Variants in RABEPK observed in about 807,000 individuals in gnomAD.
RABEPK encodes Rab9 effector protein with kelch motifs.
RABEPK carries 27 observed loss-of-function variants against 34.1 expected under a neutral mutation model. That is an observed-to-expected ratio of 0.79 (90% confidence interval 0.58 to 1.09). The LOEUF is 1.09. RABEPK is among the 50% of genes least tolerant of loss of function. The pLI, the probability that RABEPK is intolerant of heterozygous loss-of-function variation, is 0.00. For synonymous variants in RABEPK, 172 were observed against 169.2 expected, an observed-to-expected ratio of 1.02 and a Z score of -0.13; for missense variants, 449 against 462.6, an observed-to-expected ratio of 0.97 and a Z score of 0.27.
intron 4 of RABEPK, among the ~76,000 whole-genome samples, chr9:125,214,792 C>CTTTTTTT (rs34203731): frequency 1.4e-5 from 2 of 138,916 alleles, no homozygotes; most frequent in Non-Finnish European, 3.1e-5. Context: ...AATTTTCTGT[C>CTTTTTTT]TTTTTTTTTT....
chr9:125,211,296 C>T (rs182646714), intron 3 of RABEPK, among the ~76,000 whole-genome samples: 28 of 151,398 alleles, frequency 1.8e-4, no homozygotes, highest in African/African-American at 5.8e-4. Flanking sequence ...ACTACAGGCA[C>T]GTGCCACCAT....
chr9:125,210,403 CAA>C (rs775128302), intron 3 of RABEPK, among the ~76,000 whole-genome samples: 25,119 of 66,814 alleles, frequency 0.38, 2,311 homozygotes, highest in East Asian at 0.53. Flanking sequence ...GTCTCCGTCT[CAA>C]AAAAAAAAAA....
chr9:125,209,479 A>G (rs956811989), intron 3 of RABEPK, among the ~76,000 whole-genome samples: 6 of 151,858 alleles, frequency 4.0e-5, no homozygotes, highest in African/African-American at 1.5e-4. Flanking sequence ...CCTCCTGAAT[A>G]GCTGGGATTA....
At chr9:125,206,728 A>T (rs955565980) in intron 2 of RABEPK, among the ~76,000 whole-genome samples, 25 of 152,144 alleles carry the variant, frequency 1.6e-4, no homozygotes, top group African/African-American at 5.8e-4. Context: ...GCCACCATTT[A>T]TTGAGTCCTT....
intron 5 of RABEPK, among the ~76,000 whole-genome samples, chr9:125,225,726 C>T (rs1469655182): frequency 4.0e-5 from 6 of 151,780 alleles, no homozygotes; most frequent in Non-Finnish European, 8.8e-5. Context: ...TTTGGGAGGC[C>T]GAGGCGGGCA....
At chr9:125,216,845 TG>T (rs1211441895) in intron 4 of RABEPK, among the ~76,000 whole-genome samples, 1 of 151,842 alleles carries the variant, frequency 6.6e-6, no homozygotes, top group Admixed American at 6.6e-5. Flanking sequence ...CAGGTGCCTG[TG>T]GTCCCAGCTA....
intron 6 of RABEPK, among the ~76,000 whole-genome samples, chr9:125,229,410 G>A (rs1466360378): frequency 1.3e-5 from 2 of 152,154 alleles, no homozygotes; most frequent in Non-Finnish European, 2.9e-5. Context: ...CAGCCTAGAC[G>A]ACAGAGTGAG....
chr9:125,219,418 GA>G (rs1831172608), intron 4 of RABEPK, among the ~76,000 whole-genome samples: 1 of 151,008 alleles, frequency 6.6e-6, no homozygotes, highest in African/African-American at 2.4e-5. Context: ...TTTTTAAGAT[GA>G]AGTCTCGCTT....
rs557027973 is a variant in RABEPK at position 125,227,903 on chromosome 9, T to C, written c.527-7T>C. 8 of 1,559,226 alleles carry C rather than the reference T, an allele frequency of 5.1e-6. No individual in the cohort carries two copies. The highest frequency in any genetic ancestry group is 4.7e-5 in the East Asian group (2 of 42,600). On this transcript the variant is annotated splice_region_variant and splice_polypyrimidine_tract_variant and intron_variant, in intron 5 of 7. Coordinates refer to ENST00000373538, the MANE Select transcript of RABEPK (RefSeq NM_005833.4). Reference sequence around the variant, plus strand: ...GCCATTTGATGTTATTGAATTTACTTTTCTAGACACTCTGACCTGGTCACA... The same window carrying C: ...GCCATTTGATGTTATTGAATTTACTCTTCTAGACACTCTGACCTGGTCACA...
rs1360103717 is a variant in RABEPK at position 125,200,640 on chromosome 9, C to T, written c.-273C>T. On this transcript the variant is annotated 5_prime_UTR_variant, in exon 1 of 8. Transcript: ENST00000373538. ...CCCCGGATACCGGGTCTATCACGGT[C>T]TCGGGCAGGGAGTCTGAATCTTTTA... The T allele has an allele frequency of 2.1e-6, 1 of 469,678 alleles. No homozygotes were observed. Among genetic ancestry groups the T allele is most frequent in the African/African-American group, 2.0e-5 (1 of 50,212 alleles). 29.1% of individuals were successfully genotyped at this position (469,678 alleles called of 1,614,324 possible). A position where few individuals can be genotyped will look rare whatever the true frequency, so the allele number is the denominator to read the frequency against.
chr9:125,232,666 G>T lies in RABEPK; in HGVS notation c.747G>T (p.Val249=). Residue 249 remains valine, a synonymous_variant, in exon 7 of 8, where the codon GTG becomes GTT. Transcript: ENST00000373538. ...CAGGCTGTGCTGCCCACTCAGCTGT[G>T]GCCATGGGAAAACATGTGTACATCT... ...APAGCAAHSA[V]AMGKHVYIFG... 6.2e-7 allele frequency: 1 copy of T among 1,614,118 alleles called. No individual in the cohort carries two copies. Among genetic ancestry groups the T allele is most frequent in the African/African-American group, 1.3e-5 (1 of 75,056 alleles).
At chr9:125,213,257 T>A (rs760320454) in intron 3 of RABEPK, 113 bp from the exon 4 acceptor site, 14 of 1,080,376 alleles carry the variant, frequency 1.3e-5, no homozygotes, top group Admixed American at 7.1e-5. Context: ...CTTTAAGTGA[T>A]TCAGTGGTTT....
chr9:125,216,131 A>G (rs151001907), intron 4 of RABEPK, among the ~76,000 whole-genome samples: 86 of 152,206 alleles, frequency 5.7e-4, no homozygotes, highest in African/African-American at 1.8e-3. Flanking sequence ...TGTCACTACT[A>G]AAAATACAAA....
chr9:125,233,851 C>G lies in RABEPK; in HGVS notation c.990C>G (p.Asp330Glu). 1 of 1,614,132 alleles carries G rather than the reference C, an allele frequency of 6.2e-7. No homozygotes were observed. The highest frequency in any genetic ancestry group is 8.5e-7 in the Non-Finnish European group (1 of 1,180,032). Residue 330 changes from aspartate to glutamate, a missense_variant, in exon 8 of 8, where the codon GAC (aspartate) becomes GAG (glutamate). Coordinates refer to ENST00000373538, the MANE Select transcript of RABEPK (RefSeq NM_005833.4). ...NHEAEKEDSA[D>E]KVMSHSGDSH... Reference sequence around the variant, plus strand: ...AAGCTGAGAAAGAGGATTCAGCTGACAAAGTAATGAGCCACAGTGGTGACT... The same window carrying G: ...AAGCTGAGAAAGAGGATTCAGCTGAGAAAGTAATGAGCCACAGTGGTGACT...
intron 2 of RABEPK, among the ~76,000 whole-genome samples, chr9:125,206,717 C>T (rs1013872392): frequency 3.9e-5 from 6 of 152,154 alleles, no homozygotes; most frequent in Non-Finnish European, 7.3e-5. Context: ...ATAAAGCTCT[C>T]GCCACCATTT....
intron 5 of RABEPK, among the ~76,000 whole-genome samples, chr9:125,225,927 C>T (rs1189402140): frequency 6.7e-6 from 1 of 148,242 alleles, no homozygotes; most frequent in Non-Finnish European, 1.5e-5. Context: ...TGCACCATTA[C>T]ACTCCAGCCT....
At chr9:125,203,237 G>T (rs911797404) in intron 2 of RABEPK, among the ~76,000 whole-genome samples, 171 bp downstream of exon 2, 6 of 152,262 alleles carry the variant, frequency 3.9e-5, no homozygotes, top group East Asian at 3.9e-4. Flanking sequence ...AGATAGGGGG[G>T]CAGTAATTAT....
At chr9:125,222,144 C>T (rs1831384629) in intron 5 of RABEPK, 1 of 148,038 alleles carries the variant, frequency 6.8e-6, no homozygotes, top group South Asian at 2.1e-4. Context: ...AGAGATAGCA[C>T]ATTCCCAAGC....
chr9:125,200,782 C>A lies in RABEPK; in HGVS notation c.-131C>A, dbSNP rs771358398. 2.1e-6 allele frequency: 1 copy of A among 471,250 alleles called. No homozygotes were observed. The highest frequency in any genetic ancestry group is 2.3e-5 in the Admixed American group (1 of 42,588). 29.2% of individuals were successfully genotyped at this position (471,250 alleles called of 1,614,324 possible). ...CGACCCCGTCTCCTATCCCCTAGAA[C>A]TGCCACGTGGGGATGAGATTTGCTG... On this transcript the variant is annotated 5_prime_UTR_variant, in exon 1 of 8. It adds an upstream start codon to the 5' untranslated region. Transcript: ENST00000373538.
Sources: allele counts gnomAD v4.1 joint callset (sites outside exome capture counted in the v4.1 genomes callset), GRCh38; gene constraint gnomAD v4.1.1; transcripts MANE v1.5; gene names NCBI Gene and HGNC (gene_info 2026-07-23, HGNC 2026-07-21).